TMEM117: variants seen among roughly 807,000 people sequenced by gnomAD.
TMEM117 encodes the protein transmembrane protein 117.
Under a neutral mutation model 52.4 loss-of-function variants are expected in TMEM117, and 27 were observed. The ratio of observed to expected loss-of-function variants is 0.51; its 90% CI spans 0.38 to 0.71. TMEM117 has a LOEUF of 0.71. Among genes scored for constraint, TMEM117 ranks in the 30% least tolerant of loss-of-function variants. The pLI is 0.00. For missense variants in TMEM117, 556 were observed against 630.5 expected, an observed-to-expected ratio of 0.88 and a Z score of 1.26; for synonymous variants, 215 against 206.3, an observed-to-expected ratio of 1.04 and a Z score of -0.36.
At chr12:44,052,686 G>A (rs1198535216) in intron 3 of TMEM117, among the ~76,000 whole-genome samples, 1 of 152,170 alleles carries the variant, frequency 6.6e-6, no homozygotes, top group East Asian at 1.9e-4. Flanking sequence ...GCCCTGTCAA[G>A]TGTGGCCCAC....
At chr12:44,120,039 AAGAG>A (rs1344708435) in intron 3 of TMEM117, among the ~76,000 whole-genome samples, 1 of 152,088 alleles carries the variant, frequency 6.6e-6, no homozygotes, top group Non-Finnish European at 1.5e-5. Flanking sequence ...TTAGGCCTTG[AAGAG>A]AGAGAGAACT....
intron 6 of TMEM117, among the ~76,000 whole-genome samples, chr12:44,362,227 G>C (rs1951730702): frequency 6.6e-6 from 1 of 151,930 alleles, no homozygotes; most frequent in African/African-American, 2.4e-5. Context: ...GTAAACCTCT[G>C]TCCATCTGTT....
At chr12:44,336,645 TC>T (rs529369764) in intron 6 of TMEM117, among the ~76,000 whole-genome samples, 59 of 151,974 alleles carry the variant, frequency 3.9e-4, no homozygotes, top group African/African-American at 1.2e-3. Context: ...TTTAGAGAAA[TC>T]CATTAGGCAT....
chr12:44,031,259 TTAA>T (rs909362490), intron 3 of TMEM117, among the ~76,000 whole-genome samples: 1 of 152,160 alleles, frequency 6.6e-6, no homozygotes, highest in Admixed American at 6.5e-5. Flanking sequence ...TTAGTGTATA[TTAA>T]TAATAATAAT....
At chr12:43,853,943 A>T (rs180740728) in intron 2 of TMEM117, among the ~76,000 whole-genome samples, 2 of 152,304 alleles carry the variant, frequency 1.3e-5, no homozygotes, top group Admixed American at 6.5e-5. Context: ...GTGAGCAAAG[A>T]TGGAGACAAC....
At chr12:44,040,391 T>A (rs1485623575) in intron 3 of TMEM117, among the ~76,000 whole-genome samples, 1 of 152,182 alleles carries the variant, frequency 6.6e-6, no homozygotes. Context: ...AGTTTCTTTA[T>A]GTTTTTGTGC....
chr12:44,372,948 G>C (rs546562132), intron 6 of TMEM117, among the ~76,000 whole-genome samples: 6 of 152,188 alleles, frequency 3.9e-5, no homozygotes, highest in Non-Finnish European at 8.8e-5. Context: ...CATATATCAA[G>C]ACATCACATT....
At chr12:43,976,123 G>A (rs1476091519) in intron 3 of TMEM117, among the ~76,000 whole-genome samples, 2 of 152,188 alleles carry the variant, frequency 1.3e-5, no homozygotes, top group African/African-American at 4.8e-5. Flanking sequence ...GAAAAATAGA[G>A]AAGTTTGTTT....
chr12:44,167,894 C>T (rs921506204), intron 4 of TMEM117, among the ~76,000 whole-genome samples: 7 of 152,122 alleles, frequency 4.6e-5, no homozygotes, highest in Non-Finnish European at 1.0e-4. Context: ...TATTTACTCT[C>T]CTCTTGAAAA....
intron 5 of TMEM117, among the ~76,000 whole-genome samples, chr12:44,231,221 CCT>C (rs979963670): frequency 7.9e-5 from 12 of 151,844 alleles, no homozygotes; most frequent in African/African-American, 2.9e-4. Context: ...TTCAATTCTT[CCT>C]CTTTTTGAAA....
chr12:44,060,396 C>T (rs1274868675), intron 3 of TMEM117, among the ~76,000 whole-genome samples: 1 of 152,066 alleles, frequency 6.6e-6, no homozygotes, highest in Non-Finnish European at 1.5e-5. Flanking sequence ...GTTACAGTTG[C>T]GGGAAACTGG....
chr12:43,946,392 TTTGTTTG>T (rs1178211772), intron 3 of TMEM117, among the ~76,000 whole-genome samples: 1 of 17,980 alleles, frequency 5.6e-5, no homozygotes, highest in Non-Finnish European at 1.5e-4. Flanking sequence ...TTTTTTTTTT[TTTGTTTG>T]TTTTTTTATC....
intron 3 of TMEM117, among the ~76,000 whole-genome samples, chr12:44,102,982 T>G (rs1339823319): frequency 6.6e-6 from 1 of 151,976 alleles, no homozygotes; most frequent in African/African-American, 2.4e-5. Flanking sequence ...TGCTTCCCCT[T>G]CCGCCATGAT....
chr12:44,158,270 C>T (rs749232905), intron 4 of TMEM117, among the ~76,000 whole-genome samples: 7 of 152,082 alleles, frequency 4.6e-5, no homozygotes, highest in Non-Finnish European at 1.0e-4. Context: ...AGCTTGGAGT[C>T]AATTCAGGTG....
chr12:43,944,558 T>C (rs529830403), intron 3 of TMEM117, among the ~76,000 whole-genome samples: 108 of 152,296 alleles, frequency 7.1e-4, no homozygotes, highest in African/African-American at 2.5e-3. Context: ...TTGTTCTTTA[T>C]CCTTTAGGAC....
At chr12:44,391,974 G>A (rs115271329), downstream of TMEM117, among the ~76,000 whole-genome samples, 2,283 of 152,196 alleles carry the variant, frequency 0.015, 60 homozygotes, top group African/African-American at 0.052. Flanking sequence ...CCGTACCCTT[G>A]AGACAGCAAG....
intron 4 of TMEM117, among the ~76,000 whole-genome samples, chr12:44,204,502 T>A (rs1428461499): frequency 1.3e-5 from 2 of 151,790 alleles, no homozygotes; most frequent in Non-Finnish European, 2.9e-5. Flanking sequence ...TCTGCAGCAA[T>A]TTACAGATTC....
chr12:44,158,235 T>C (rs1236974308), intron 4 of TMEM117, among the ~76,000 whole-genome samples: 2 of 152,148 alleles, frequency 1.3e-5, no homozygotes, highest in African/African-American at 2.4e-5. Context: ...TCCACAACAT[T>C]TCATTGACTT....
chr12:44,164,911 C>A (rs1948944895), intron 4 of TMEM117, among the ~76,000 whole-genome samples: 1 of 152,130 alleles, frequency 6.6e-6, no homozygotes, highest in African/African-American at 2.4e-5. Context: ...TTTATCATTT[C>A]TTTGTGTTGG....
Sources: gnomAD v4.1 joint callset for allele counts (sites outside exome capture counted in the v4.1 genomes callset) on GRCh38, gnomAD v4.1.1 for gene constraint, MANE v1.5 for transcripts, NCBI Gene and HGNC (gene_info 2026-07-23, HGNC 2026-07-21) for gene names.